The following RARB variants were observed in gnomAD, a reference collection of about 807,000 sequenced individuals.
The protein encoded by RARB is retinoic acid receptor beta.
A neutral mutation model predicts 51.9 loss-of-function variants in RARB; 17 were observed. The ratio of observed to expected loss-of-function variants is 0.33; its 90% CI spans 0.22 to 0.49. RARB has a LOEUF of 0.49. RARB is among the 20% of genes least tolerant of loss of function. The probability of loss-of-function intolerance (pLI) is 0.99; values close to 1 mark genes in which losing one functional copy is unlikely to be tolerated. For missense variants in RARB, 369 were observed against 550.8 expected (o/e 0.67, Z 3.30); for synonymous variants, 215 against 195.4 (o/e 1.10, Z -0.84).
chr3:25,376,905 T>C (rs1282032167), intron 5 of RARB, among the ~76,000 whole-genome samples: 2 of 152,220 alleles, frequency 1.3e-5, no homozygotes, highest in Non-Finnish European at 2.9e-5. Flanking sequence ...CTATGTCTCC[T>C]GGAGCCTACC....
chr3:25,047,467 A>T (rs909418191), intron 2 of RARB, among the ~76,000 whole-genome samples: 2 of 152,144 alleles, frequency 1.3e-5, no homozygotes, highest in African/African-American at 2.4e-5. Flanking sequence ...AAAGAAAAGG[A>T]GTTTTTAAAG....
At chr3:24,845,777 C>T (rs777637411) in intron 1 of RARB, among the ~76,000 whole-genome samples, 1 of 152,064 alleles carries the variant, frequency 6.6e-6, no homozygotes, top group African/African-American at 2.4e-5. Flanking sequence ...ACCTGAAGAA[C>T]AAGAATAGAA....
At chr3:25,211,903 C>A (rs905579502) in intron 5 of RARB, among the ~76,000 whole-genome samples, 2 of 152,164 alleles carry the variant, frequency 1.3e-5, no homozygotes, top group Non-Finnish European at 2.9e-5. Flanking sequence ...TCTCTTCTTT[C>A]GATCACTTTC....
At chr3:24,877,669 C>T (rs999962369) in intron 2 of RARB, among the ~76,000 whole-genome samples, 6 of 152,054 alleles carry the variant, frequency 3.9e-5, no homozygotes, top group Non-Finnish European at 8.8e-5. Flanking sequence ...GTCTGATCTT[C>T]CACTGATCTT....
At chr3:25,253,526 C>T (rs902904008) in intron 5 of RARB, among the ~76,000 whole-genome samples, 6 of 151,916 alleles carry the variant, frequency 3.9e-5, no homozygotes, top group African/African-American at 1.2e-4. Flanking sequence ...CTAGGAGGGT[C>T]CCCAGACATA....
intron 3 of RARB, among the ~76,000 whole-genome samples, chr3:25,076,144 TTA>T (rs1456001504): frequency 8.1e-5 from 6 of 74,450 alleles, no homozygotes; most frequent in African/African-American, 1.5e-4. Flanking sequence ...AAGCAGTTAT[TTA>T]TTTTTTTTTT....
chr3:24,986,125 T>C (rs1036486759), intron 2 of RARB, among the ~76,000 whole-genome samples: 3 of 152,240 alleles, frequency 2.0e-5, no homozygotes, highest in Admixed American at 6.5e-5. Context: ...TGTTTGATTC[T>C]GAACACTGTG....
chr3:25,170,643 G>A (rs1224183011), intron 4 of RARB, among the ~76,000 whole-genome samples: 1 of 152,084 alleles, frequency 6.6e-6, no homozygotes, highest in African/African-American at 2.4e-5. Flanking sequence ...GCAAATTTGA[G>A]CTAAACTTAA....
At chr3:24,860,168 G>A (rs929827196) in intron 2 of RARB, among the ~76,000 whole-genome samples, 1 of 152,164 alleles carries the variant, frequency 6.6e-6, no homozygotes, top group Non-Finnish European at 1.5e-5. Context: ...GCCTCTTGGG[G>A]GTAGGCATCA....
At position 25,219,567 on chromosome 3, in the gene RARB, G is replaced by A. The variant is rs549181168; in HGVS notation, c.178+44992G>A. ...AGAAGAAGGGAGTGGGGAGGGAAGT[G>A]CCTGTTCCTTTGTTGCTGTTTGATC... On this transcript the variant is annotated intron_variant, in intron 5 of 11. Transcript: ENST00000383772. Among the ~76,000 whole-genome samples the A allele has an allele frequency of 7.2e-5, 11 of 152,296 alleles. No individual in the cohort carries two copies. In the South Asian group the frequency reaches 2.3e-3, roughly 32 times the overall value.
chr3:25,119,617 G>A (rs979704446), intron 3 of RARB, among the ~76,000 whole-genome samples: 5 of 150,706 alleles, frequency 3.3e-5, no homozygotes, highest in African/African-American at 7.4e-5. Flanking sequence ...GTAACTCAGC[G>A]CAGCCTAACA....
intron 2 of RARB, among the ~76,000 whole-genome samples, chr3:24,975,312 T>G (rs1194803025): frequency 2.6e-5 from 4 of 152,122 alleles, no homozygotes; most frequent in African/African-American, 9.7e-5. Flanking sequence ...ACACTACTGT[T>G]TTTTTGGTTT....
Position 25,272,359 on chromosome 3 carries a change from G to T in RARB, c.178+97784G>T, listed in dbSNP as rs142323472. 1.4e-4 allele frequency among the ~76,000 whole-genome samples: 21 copies of T among 152,252 alleles called. No individual in the cohort carries two copies. The East Asian group carries it at 3.9e-3, about 28-fold the overall frequency. On this transcript the variant is annotated intron_variant, in intron 5 of 11. Transcript: ENST00000383772. ...TAAGGTGACTTTGCAACTCACCATT[G>T]TCTGCCTGCCAAACAAAGTCTTGTG... is the stretch of plus-strand genomic sequence containing the variant.
chr3:25,250,445 A>G (rs1702684157), intron 5 of RARB, among the ~76,000 whole-genome samples: 1 of 152,132 alleles, frequency 6.6e-6, no homozygotes, highest in Non-Finnish European at 1.5e-5. Context: ...AGTGGCAGCA[A>G]CCATAAACAG....
At chr3:25,126,210 T>G (rs1329405557) in intron 3 of RARB, among the ~76,000 whole-genome samples, 1 of 152,200 alleles carries the variant, frequency 6.6e-6, no homozygotes, top group Non-Finnish European at 1.5e-5. Context: ...CCATTTATAA[T>G]TAAAGTAATG....
intron 1 of RARB, among the ~76,000 whole-genome samples, chr3:25,432,392 G>T (rs1708244980): frequency 1.3e-5 from 2 of 152,192 alleles, no homozygotes; most frequent in South Asian, 4.1e-4. Context: ...CTATGGAATT[G>T]ACTTGGAAGC....
At chr3:24,894,548 C>T (rs1426049131) in intron 2 of RARB, among the ~76,000 whole-genome samples, 1 of 152,002 alleles carries the variant, frequency 6.6e-6, no homozygotes, top group Non-Finnish European at 1.5e-5. Flanking sequence ...CATGTCTTTG[C>T]TATTGTGAAC....
intron 3 of RARB, among the ~76,000 whole-genome samples, chr3:25,097,460 A>G (rs888199363): frequency 7.2e-5 from 11 of 152,202 alleles, no homozygotes; most frequent in Admixed American, 6.5e-4. Flanking sequence ...ATTTTCATAT[A>G]GAATGTTAGT....
chr3:25,356,443 A>G (rs1320169394), intron 5 of RARB, among the ~76,000 whole-genome samples: 1 of 152,186 alleles, frequency 6.6e-6, no homozygotes, highest in African/African-American at 2.4e-5. Flanking sequence ...TCTGCTTGAT[A>G]ATTTCATGAT....
Sources: allele counts gnomAD v4.1 joint callset (sites outside exome capture counted in the v4.1 genomes callset), GRCh38; gene constraint gnomAD v4.1.1; transcripts MANE v1.5; gene names NCBI Gene and HGNC (gene_info 2026-07-23, HGNC 2026-07-21).